Variants in P4HB observed in about 807,000 individuals in gnomAD.
The protein encoded by P4HB is protein disulfide-isomerase.
In P4HB, 20 loss-of-function variants were observed where a neutral mutation model predicts 52.6. The ratio of observed to expected loss-of-function variants is 0.38; its 90% CI spans 0.27 to 0.55. P4HB has a LOEUF of 0.55. P4HB is among the 20% of genes least tolerant of loss of function. The probability of loss-of-function intolerance (pLI) is 0.74; values close to 1 mark genes in which losing one functional copy is unlikely to be tolerated. For missense variants in P4HB, 601 were observed against 669.2 expected (o/e 0.90, Z 1.12); for synonymous variants, 296 against 277.9 (o/e 1.07, Z -0.65).
intron 9 of P4HB, 127 bp downstream of exon 9, chr17:81,845,434 A>T: frequency 1.0e-6 from 1 of 981,814 alleles, no homozygotes; most frequent in Non-Finnish European, 1.5e-6. Context: ...GTGCTTCTGA[A>T]GGAGCTCCCA....
At chr17:81,857,544 T>G (rs959773837) in intron 2 of P4HB, among the ~76,000 whole-genome samples, 1 of 152,092 alleles carries the variant, frequency 6.6e-6, no homozygotes, top group Non-Finnish European at 1.5e-5. Flanking sequence ...TTTAGAGAGG[T>G]GGACAGTAAC....
Position 81,855,842 on chromosome 17 carries a change from A to C in P4HB, c.353-256T>G, listed in dbSNP as rs2038905401. 5 of 425,908 alleles carry C rather than the reference A, an allele frequency of 1.2e-5. No individual in the cohort carries two copies. Among genetic ancestry groups the C allele is most frequent in the African/African-American group, 2.0e-5 (1 of 49,014 alleles). 26.4% of individuals were successfully genotyped at this position (425,908 alleles called of 1,614,324 possible). ...TCTGTCTCTGAATAACAGGATCACAAACCCATTTTTTTTCTCTGATCTCTC... is the reference window on the plus strand; with the variant it reads ...TCTGTCTCTGAATAACAGGATCACACACCCATTTTTTTTCTCTGATCTCTC... On this transcript the variant is annotated intron_variant, in intron 2 of 10. Coordinates refer to ENST00000331483, the MANE Select transcript of P4HB (RefSeq NM_000918.4). This position sits in a 1 kb window ranked among gnomAD's most constrained non-coding sequence, Gnocchi z 4.3.
rs1344196961 is a variant in P4HB at position 81,843,932 on chromosome 17, G to C, written c.*80C>G. 3.8e-6 allele frequency: 4 copies of C among 1,043,000 alleles called. No homozygotes were observed. In the South Asian group the frequency reaches 5.0e-5, roughly 13 times the overall value. 64.6% of individuals were successfully genotyped at this position (1,043,000 alleles called of 1,614,324 possible). A position where few individuals can be genotyped will look rare whatever the true frequency, so the allele number is the denominator to read the frequency against. On this transcript the variant is annotated 3_prime_UTR_variant, in exon 11 of 11. Transcript: ENST00000331483. ...GCGACGCCCTCCTTCAAGCGAGGCC[G>C]CAGGCTTCGGAGGCGTGCGCTGCTG...
chr17:81,847,357 GAA>G lies in P4HB; in HGVS notation c.625-12_625-11del, dbSNP rs771830923. ...TCCGGCCTTCATCAAACTGTGGACA[GAA>G]AGAGGGCCCTGACTGAGCATTGCTG... On this transcript the variant is annotated splice_polypyrimidine_tract_variant and intron_variant, in intron 4 of 10. Transcript: ENST00000331483. The G allele has an allele frequency of 2.5e-6, 4 of 1,606,886 alleles. No individual in the cohort carries two copies. Among genetic ancestry groups the G allele is most frequent in the Middle Eastern group, 1.7e-4 (1 of 6,052 alleles).
chr17:81,846,011 C>A lies in P4HB; in HGVS notation c.1057-20G>T. On this transcript the variant is annotated intron_variant, in intron 7 of 10. Transcript: ENST00000331483. The surrounding 1 kb of genome is among the most constrained non-coding windows in gnomAD (Gnocchi z 5.7). ...GTGGGGCTGGAGGGCAGGCAGGGCA[C>A]GGTGAGGGGCGGCGATGCCTGGGGG... The A allele has an allele frequency of 6.3e-7, 1 of 1,592,974 alleles. No individual in the cohort carries two copies. Among genetic ancestry groups the A allele is most frequent in the Non-Finnish European group, 8.6e-7 (1 of 1,168,608 alleles).
chr17:81,844,588 TC>T (rs1314446045), intron 10 of P4HB, among the ~76,000 whole-genome samples: 1 of 152,094 alleles, frequency 6.6e-6, no homozygotes, highest in Non-Finnish European at 1.5e-5. Flanking sequence ...TATTCCCACC[TC>T]CCACTGTGCA....
Position 81,845,183 on chromosome 17 carries a change from G to A in P4HB, c.1407C>T (p.Phe469=), listed in dbSNP as rs1598262904. The change falls in exon 10 of 11, where the codon TTC becomes TTT. Residue 469 remains phenylalanine (F), a synonymous_variant. Transcript: ENST00000331483. ...CCCCATCCTGGCCACCGCTCTCCAG[G>A]AATTTCTTAAAACCATCCAGCGTGC... ...GERTLDGFKK[F]LESGGQDGAG... The A allele has an allele frequency of 3.7e-6, 6 of 1,613,964 alleles. No homozygotes were observed. The highest frequency in any genetic ancestry group is 2.2e-5 in the South Asian group (2 of 91,032).
In P4HB at chr17:81,859,525, G is replaced by A. The variant is rs540296609; in HGVS notation, c.146-138C>T. 2.0e-4 allele frequency: 144 copies of A among 723,000 alleles called. No homozygotes were observed. The African/African-American group carries it at 2.2e-3, about 11-fold the overall frequency. 44.8% of individuals were successfully genotyped at this position (723,000 alleles called of 1,614,324 possible). On this transcript the variant is annotated intron_variant, in intron 1 of 10. Coordinates refer to ENST00000331483, the MANE Select transcript of P4HB (RefSeq NM_000918.4). ...ACTCACCAAGATAACCCCTCCTAAC[G>A]CACAAGGCTGAGCTGATAGCCTGGT... is the stretch of plus-strand genomic sequence containing the variant.
intron 4 of P4HB, among the ~76,000 whole-genome samples, chr17:81,854,809 T>TC (rs1417493485): frequency 1.4e-5 from 2 of 144,314 alleles, no homozygotes; most frequent in African/African-American, 5.3e-5. Flanking sequence ...GCAACTGCAC[T>TC]CCAGCATGGG....
rs1034512622 is a variant in P4HB at position 81,855,224 on chromosome 17, T to A, written c.542A>T (p.Asp181Val). Residue 181 changes from aspartate to valine, a missense_variant, in exon 4 of 11, where the codon GAC (aspartate) becomes GTC (valine). Coordinates refer to ENST00000331483, the MANE Select transcript of P4HB (RefSeq NM_000918.4). This position sits in a 1 kb window ranked among gnomAD's most constrained non-coding sequence, Gnocchi z 4.3. The stretch of plus-strand genomic sequence containing the variant: ...GTTGGAAGTGATCCCAAATGGTATG[T>A]CATCGATGGCCTCTGCTGCCTGCAA... ...QFLQAAEAID[D>V]IPFGITSNSD... The A allele has an allele frequency of 4.3e-6, 7 of 1,613,966 alleles. No individual in the cohort carries two copies. The highest frequency in any genetic ancestry group is 3.4e-6 in the Non-Finnish European group (4 of 1,179,912).
In P4HB at chr17:81,858,985, G is replaced by A. The variant is rs140774278; in HGVS notation, c.352+196C>T. ...ACCAGACAAGACAGGTTCTCCATTC[G>A]AAGGTTCTTCCAGGATGAAAACTCC... On this transcript the variant is annotated intron_variant, in intron 2 of 10. Coordinates refer to ENST00000331483, the MANE Select transcript of P4HB (RefSeq NM_000918.4). 5.9e-3 allele frequency: 3,514 copies of A among 591,802 alleles called. 19 individuals are homozygous for A. The highest frequency in any genetic ancestry group is 8.5e-3 in the Non-Finnish European group (2,826 of 332,082). The allele number at this position is 591,802 out of a possible 1,614,324, so 36.7% of individuals were successfully genotyped here.
At chr17:81,859,510 A>G (rs1208430979) in intron 1 of P4HB, 123 bp from the exon 2 acceptor site, 2 of 817,678 alleles carry the variant, frequency 2.4e-6, no homozygotes, top group Non-Finnish European at 4.0e-6. Flanking sequence ...ACTCACCAAG[A>G]TAACCCCTCC....
At chr17:81,853,828 A>G (rs897693419) in intron 4 of P4HB, among the ~76,000 whole-genome samples, 5 of 152,062 alleles carry the variant, frequency 3.3e-5, no homozygotes, top group Admixed American at 6.6e-5. Context: ...CCTGGCTCTG[A>G]GCGGCACAAA....
intron 4 of P4HB, among the ~76,000 whole-genome samples, chr17:81,851,569 C>T (rs1038064570): frequency 6.6e-6 from 1 of 152,222 alleles, no homozygotes; most frequent in African/African-American, 2.4e-5. Context: ...TGATCACAGC[C>T]GTGCTCCCAG....
At position 81,847,107 on chromosome 17, in the gene P4HB, A is replaced by T. The variant is rs2143321722; in HGVS notation, c.730-35T>A. The stretch of plus-strand genomic sequence containing the variant: ...AAACTTAAGTTACTGGGTCTGAGTC[A>T]CACACTATTAATGCAGAAGATTCTC... On this transcript the variant is annotated intron_variant, in intron 5 of 10. Coordinates refer to ENST00000331483, the MANE Select transcript of P4HB (RefSeq NM_000918.4). The T allele has an allele frequency of 3.1e-6, 5 of 1,613,490 alleles. No homozygotes were observed. The highest frequency in any genetic ancestry group is 4.2e-6 in the Non-Finnish European group (5 of 1,179,646).
At chr17:81,848,179 C>T (rs534202353) in intron 4 of P4HB, among the ~76,000 whole-genome samples, 1 of 152,280 alleles carries the variant, frequency 6.6e-6, no homozygotes, top group Non-Finnish European at 1.5e-5. Context: ...GGATTATAGG[C>T]GTGAGCCACC....
At chr17:81,858,941 C>T (rs780949289) in intron 2 of P4HB, 1 of 533,124 alleles carries the variant, frequency 1.9e-6, no homozygotes, top group Non-Finnish European at 3.4e-6. Flanking sequence ...AGACCTCAGC[C>T]AGCCGCCCCC....
intron 2 of P4HB, among the ~76,000 whole-genome samples, chr17:81,858,590 C>T (rs112979442): frequency 0.021 from 3,220 of 152,244 alleles, 115 homozygotes; most frequent in African/African-American, 0.071. Flanking sequence ...GCCTCCACTA[C>T]GGCAGCTTCA....
At chr17:81,848,050 G>A (rs987050748) in intron 4 of P4HB, among the ~76,000 whole-genome samples, 3 of 152,046 alleles carry the variant, frequency 2.0e-5, no homozygotes, top group Non-Finnish European at 4.4e-5. Flanking sequence ...GACTATAGGC[G>A]CCCGCCACCA....
Sources: gnomAD v4.1 joint callset for allele counts (sites outside exome capture counted in the v4.1 genomes callset) on GRCh38, gnomAD v4.1.1 for gene constraint, Gnocchi (gnomAD v3.1) non-coding constraint, MANE v1.5 for transcripts, NCBI Gene and HGNC (gene_info 2026-07-23, HGNC 2026-07-21) for gene names.